Variants in ANKDD1B observed in about 807,000 individuals in gnomAD.
ANKDD1B encodes the protein ankyrin repeat and death domain-containing protein 1B.
Under a neutral mutation model 59.7 loss-of-function variants are expected in ANKDD1B, and 57 were observed. That is an observed-to-expected ratio of 0.95 (90% confidence interval 0.77 to 1.19). The LOEUF is 1.19. Among genes scored for constraint, ANKDD1B ranks in the 50% most tolerant of loss-of-function variants. The probability of loss-of-function intolerance (pLI) is 0.00; values close to 1 mark genes in which losing one functional copy is unlikely to be tolerated. For missense variants in ANKDD1B, 602 were observed against 641.9 expected, an observed-to-expected ratio of 0.94 and a Z score of 0.67; for synonymous variants, 216 against 239.5, an observed-to-expected ratio of 0.90 and a Z score of 0.91.
intron 6 of ANKDD1B, chr5:75,635,564 T>C: frequency 2.7e-6 from 1 of 374,704 alleles, no homozygotes; most frequent in Non-Finnish European, 4.8e-6. Flanking sequence ...ACAAGGAGCA[T>C]GGATGATTTT....
chr5:75,626,791 TTTTG>T (rs1774007638), intron 5 of ANKDD1B, among the ~76,000 whole-genome samples: 1 of 151,772 alleles, frequency 6.6e-6, no homozygotes, highest in Non-Finnish European at 1.5e-5. Context: ...TGTTTTTTTT[TTTTG>T]TTTGTTTGTT....
chr5:75,648,271 A>AAAAAAAAAATTG (rs1397902903), intron 7 of ANKDD1B, among the ~76,000 whole-genome samples: 1 of 49,120 alleles, frequency 2.0e-5, no homozygotes, highest in Non-Finnish European at 8.5e-5. Context: ...AAAAATTAAA[A>AAAAAAAAAATTG]AAAAAAAAAA....
intron 13 of ANKDD1B, 114 bp from the exon 14 acceptor site, chr5:75,670,865 T>A (rs1021708145): frequency 2.5e-6 from 1 of 405,968 alleles, no homozygotes; most frequent in Non-Finnish European, 4.2e-6. Flanking sequence ...GGAAAGAAAA[T>A]AAAAATGTTT....
chr5:75,636,174 A>G (rs2112980311), intron 7 of ANKDD1B, among the ~76,000 whole-genome samples: 1 of 152,354 alleles, frequency 6.6e-6, no homozygotes, highest in South Asian at 2.1e-4. Flanking sequence ...ATGCAAAACA[A>G]ATAATGTATT....
At chr5:75,618,026 G>A (rs1235547437) in intron 2 of ANKDD1B, among the ~76,000 whole-genome samples, 6 of 151,802 alleles carry the variant, frequency 4.0e-5, no homozygotes, top group African/African-American at 1.5e-4. Flanking sequence ...TGTTATGGGT[G>A]TATATATAGT....
At chr5:75,620,881 A>G (rs1017626301) in intron 3 of ANKDD1B, among the ~76,000 whole-genome samples, 1 of 151,956 alleles carries the variant, frequency 6.6e-6, no homozygotes, top group African/African-American at 2.4e-5. Context: ...GCTCCCCTAC[A>G]TTTTCTAGCT....
At position 75,611,691 on chromosome 5, in the gene ANKDD1B, C is replaced by T; in HGVS notation, c.57C>T (p.Leu19=). 1 of 1,227,426 alleles carries T rather than the reference C, an allele frequency of 8.1e-7. No homozygotes were observed. Among genetic ancestry groups the T allele is most frequent in the Non-Finnish European group, 1.0e-6 (1 of 987,994 alleles). The allele number at this position is 1,227,426 out of a possible 1,614,324, so 76.0% of individuals were successfully genotyped here. ...GGGCCACGGCAGGGGGGCTGCTGCT[C>T]CGGGCTGCTGCGGCCGCCAAGGGTC... ...GQGATAGGLL[L]RAAAAAKGLR... is the part of the protein sequence containing the mutation. Residue 19 remains leucine (L), a synonymous_variant, in exon 1 of 14, where the codon CTC becomes CTT. Coordinates refer to ENST00000601380, the MANE Select transcript of ANKDD1B (RefSeq NM_001276713.2).
intron 5 of ANKDD1B, among the ~76,000 whole-genome samples, chr5:75,628,757 CCTT>C (rs1278237733): frequency 6.6e-6 from 1 of 152,140 alleles, no homozygotes; most frequent in African/African-American, 2.4e-5. Context: ...TGCTGGGAAA[CCTT>C]CTGAGATTTC....
At chr5:75,640,445 A>G (rs78716683) in intron 7 of ANKDD1B, among the ~76,000 whole-genome samples, 2,958 of 152,346 alleles carry the variant, frequency 0.019, 103 homozygotes, top group African/African-American at 0.067. Flanking sequence ...GTGCCAAAGC[A>G]TATAGTCTTG....
intron 8 of ANKDD1B, 30 bp downstream of exon 8, chr5:75,653,270 G>A (rs2111997277): frequency 6.7e-7 from 1 of 1,500,350 alleles, no homozygotes; most frequent in Admixed American, 2.0e-5. Flanking sequence ...ACGGGCTTTG[G>A]TCCTGGCGCC....
In ANKDD1B at chr5:75,666,803, G is replaced by C. The variant is rs767202585; in HGVS notation, c.1203G>C (p.Glu401Asp). ...RYYAWREEHH[E>D]SIRDPSTGFT... is the part of the protein sequence containing the mutation. The stretch of plus-strand genomic sequence containing the variant: ...TATTTTCACTTTAGGAGCATCATGA[G>C]AGCATCAGGGACCCGTCAACAGGCT... The change falls in exon 12 of 14, where the codon GAG (glutamate) becomes GAC (aspartate). Residue 401 changes from glutamate (E) to aspartate (D), a missense_variant. Coordinates refer to ENST00000601380, the MANE Select transcript of ANKDD1B (RefSeq NM_001276713.2). 5.2e-6 allele frequency: 8 copies of C among 1,534,882 alleles called. No homozygotes were observed. The Admixed American group carries it at 1.2e-4, about 23-fold the overall frequency.
intron 5 of ANKDD1B, among the ~76,000 whole-genome samples, chr5:75,630,674 C>CT (rs1422761883): frequency 6.6e-6 from 1 of 152,186 alleles, no homozygotes; most frequent in East Asian, 1.9e-4. Context: ...AGTTAGAATT[C>CT]TTTCTGTTGT....
chr5:75,621,112 G>C (rs1773835842), intron 3 of ANKDD1B, among the ~76,000 whole-genome samples: 1 of 152,224 alleles, frequency 6.6e-6, no homozygotes, highest in African/African-American at 2.4e-5. Flanking sequence ...CCCAGCCACT[G>C]CTGCTACCCC....
intron 10 of ANKDD1B, among the ~76,000 whole-genome samples, chr5:75,660,406 G>T (rs1775101758): frequency 6.6e-6 from 1 of 152,222 alleles, no homozygotes; most frequent in Non-Finnish European, 1.5e-5. Flanking sequence ...GTTTATCTAT[G>T]TTGTAGCATG....
chr5:75,665,118 C>T (rs1462239803), intron 11 of ANKDD1B, among the ~76,000 whole-genome samples: 1 of 152,184 alleles, frequency 6.6e-6, no homozygotes, highest in Non-Finnish European at 1.5e-5. Flanking sequence ...TGGGAGCTTC[C>T]TAAAACCTGG....
chr5:75,621,163 T>G (rs944877095), intron 3 of ANKDD1B, among the ~76,000 whole-genome samples: 4 of 152,142 alleles, frequency 2.6e-5, no homozygotes, highest in African/African-American at 9.7e-5. Flanking sequence ...GGGCTTGGCT[T>G]GGGGGAGGGG....
chr5:75,652,393 A>G (rs942709336), intron 7 of ANKDD1B, among the ~76,000 whole-genome samples: 2 of 152,174 alleles, frequency 1.3e-5, no homozygotes, highest in Admixed American at 1.3e-4. Context: ...CTTTTGTACC[A>G]TCCTAATAAT....
chr5:75,623,459 G>T (rs1204040949), intron 3 of ANKDD1B, among the ~76,000 whole-genome samples: 1 of 152,054 alleles, frequency 6.6e-6, no homozygotes, highest in Non-Finnish European at 1.5e-5. Context: ...TGTGTTTAGG[G>T]AACATGTTTT....
In ANKDD1B at chr5:75,669,337, G is replaced by A. The variant is rs1775409240; in HGVS notation, c.1479G>A (p.Lys493=). The A allele has an allele frequency of 8.1e-7, 1 of 1,232,120 alleles. No homozygotes were observed. The highest frequency in any genetic ancestry group is 1.0e-6 in the Non-Finnish European group (1 of 987,930). 76.3% of individuals were successfully genotyped at this position (1,232,120 alleles called of 1,614,324 possible). ...TGATGACTCAGGGTGACCCGGCCAA[G>A]CAACTGTATGAAGAGCTGGTACACG... ...GTLMTQGDPA[K]QLYEELVHAG... The change falls in exon 13 of 14, where the codon AAG becomes AAA. Residue 493 remains lysine (K), a synonymous_variant. Coordinates refer to ENST00000601380, the MANE Select transcript of ANKDD1B (RefSeq NM_001276713.2).
Sources: allele counts gnomAD v4.1 joint callset (sites outside exome capture counted in the v4.1 genomes callset), GRCh38; gene constraint gnomAD v4.1.1; transcripts MANE v1.5; gene names NCBI Gene and HGNC (gene_info 2026-07-23, HGNC 2026-07-21).